Variants in ABCC1 observed in about 807,000 individuals in gnomAD.
ABCC1 encodes the protein multidrug resistance-associated protein 1.
ABCC1 carries 83 observed loss-of-function variants against 172.9 expected under a neutral mutation model. The ratio of observed to expected loss-of-function variants is 0.48; its 90% CI spans 0.40 to 0.58. ABCC1 has a LOEUF of 0.58. Ranked by LOEUF, ABCC1 falls within the 20% of genes least tolerant of loss-of-function variation. The probability of loss-of-function intolerance (pLI) is 0.00; values close to 1 mark genes in which losing one functional copy is unlikely to be tolerated. For synonymous variants in ABCC1, 937 were observed against 825.2 expected, an observed-to-expected ratio of 1.14 and a Z score of -2.32; for missense variants, 1,817 against 2,002.7, an observed-to-expected ratio of 0.91 and a Z score of 1.77.
chr16:16,108,689 G>T (rs546277553), intron 21 of ABCC1, among the ~76,000 whole-genome samples: 54 of 150,796 alleles, frequency 3.6e-4, no homozygotes, highest in African/African-American at 1.3e-3. Flanking sequence ...TCCACCTCCC[G>T]GATTCAAGTG....
chr16:15,978,366 TCAAA>T (rs111918364), intron 1 of ABCC1, among the ~76,000 whole-genome samples: 3,322 of 152,048 alleles, frequency 0.022, 81 homozygotes, highest in African/African-American at 0.053. Context: ...AAACCCCATC[TCAAA>T]CAAACAAACA....
rs372031477 is a variant in ABCC1, at chr16:16,136,651, G to A, written c.4292+7G>A. On this transcript the variant is annotated splice_region_variant and intron_variant, in intron 29 of 30. Transcript: ENST00000399410. ...AAGGCGGGGAGAACCTCAGGTAGGC[G>A]GGGGTGAACAAGGAGACACCGGGTA... The A allele has an allele frequency of 1.2e-4, 191 of 1,613,440 alleles. No individual in the cohort carries two copies. The highest frequency in any genetic ancestry group is 1.2e-4 in the Non-Finnish European group (146 of 1,179,788).
At chr16:16,039,021 G>A (rs534851297) in intron 7 of ABCC1, among the ~76,000 whole-genome samples, 5 of 152,222 alleles carry the variant, frequency 3.3e-5, no homozygotes, top group Non-Finnish European at 5.9e-5. Context: ...TGTGCTTAGC[G>A]ACGTTTAGTC....
intron 24 of ABCC1, among the ~76,000 whole-genome samples, chr16:16,123,380 A>G (rs2045252817): frequency 6.6e-6 from 1 of 152,180 alleles, no homozygotes; most frequent in South Asian, 2.1e-4. Flanking sequence ...CACATCTGTA[A>G]TCCCAGCACT....
chr16:16,028,940 ATCT>A lies in ABCC1; in HGVS notation c.616-4167_616-4165del, dbSNP rs550832916. ...TGGAATGCACCGGCTGCATCTGATG[ATCT>A]TATTAAAGATCTGTGGCTGTCAGGG... On this transcript the variant is annotated intron_variant, in intron 5 of 30. Transcript: ENST00000399410. Among the ~76,000 whole-genome samples, 18 of 152,174 alleles carry A rather than the reference ATCT, an allele frequency of 1.2e-4. No homozygotes were observed. In the South Asian group the frequency reaches 3.5e-3, roughly 30 times the overall value.
At chr16:16,085,077 A>G (rs2050956597) in intron 17 of ABCC1, among the ~76,000 whole-genome samples, 1 of 152,218 alleles carries the variant, frequency 6.6e-6, no homozygotes, top group Non-Finnish European at 1.5e-5. Flanking sequence ...ACCTGAGGCC[A>G]CACAGCCACA....
chr16:16,124,898 G>C lies in ABCC1; in HGVS notation c.3700G>C (p.Val1234Leu), dbSNP rs528400418. 6.2e-7 allele frequency: 1 copy of C among 1,614,122 alleles called. No homozygotes were observed. The highest frequency in any genetic ancestry group is 1.3e-5 in the African/African-American group (1 of 74,938). The stretch of plus-strand genomic sequence containing the variant: ...CAGTGCTGGCTTGGTGGGCCTCTCA[G>C]TGTCTTACTCATTGCAGGTAAGAGG... Reference protein sequence around the residue: ...SLSAGLVGLSVSYSLQVTTYL... With the variant: ...SLSAGLVGLSLSYSLQVTTYL... Residue 1234 changes from valine (V) to leucine (L), a missense_variant, in exon 25 of 31, where the codon GTG becomes CTG. By Grantham distance (32) the Val-to-Leu change is conservative. Around this residue, in one of 3 missense-constraint regions of ABCC1, gnomAD observed 1,412 missense variants for 1,600.3 expected, o/e 0.88. Coordinates refer to ENST00000399410, the MANE Select transcript of ABCC1 (RefSeq NM_004996.4).
intron 1 of ABCC1, among the ~76,000 whole-genome samples, chr16:16,007,153 T>C (rs1311685416): frequency 6.6e-6 from 1 of 152,058 alleles, no homozygotes; most frequent in South Asian, 2.1e-4. Context: ...GGACTGTTAA[T>C]GTGAGATGAG....
chr16:16,118,885 A>T (rs941875522), intron 23 of ABCC1, among the ~76,000 whole-genome samples: 3 of 42,822 alleles, frequency 7.0e-5, no homozygotes, highest in South Asian at 1.8e-3. Context: ...GTGTATATTA[A>T]AAAAAAAAAA....
intron 5 of ABCC1, among the ~76,000 whole-genome samples, chr16:16,031,694 C>A (rs2048563155): frequency 1.3e-5 from 2 of 152,140 alleles, no homozygotes; most frequent in Admixed American, 1.3e-4. Flanking sequence ...TAGTTCTCAT[C>A]TACTCACCCT....
At position 16,072,974 on chromosome 16, in the gene ABCC1, G is replaced by A. The variant is rs528520329; in HGVS notation, c.1912+1245G>A. Among the ~76,000 whole-genome samples the A allele has an allele frequency of 6.6e-5, 10 of 151,288 alleles. No individual in the cohort carries two copies. In the East Asian group the frequency reaches 1.4e-3, roughly 21 times the overall value. Reference sequence around the variant, plus strand: ...GGAGAATCACTTGAACCCAGGAGGCGGAGGTTGCAGTGAGCCAAGATCGCG... The same window carrying A: ...GGAGAATCACTTGAACCCAGGAGGCAGAGGTTGCAGTGAGCCAAGATCGCG... On this transcript the variant is annotated intron_variant, in intron 14 of 30. Coordinates refer to ENST00000399410, the MANE Select transcript of ABCC1 (RefSeq NM_004996.4).
chr16:16,125,351 G>C (rs140055177), intron 25 of ABCC1, among the ~76,000 whole-genome samples: 1 of 152,192 alleles, frequency 6.6e-6, no homozygotes, highest in African/African-American at 2.4e-5. Context: ...GCAGGCCTGG[G>C]TGATGGCTAT....
intron 28 of ABCC1, 151 bp from the exon 29 acceptor site, chr16:16,136,327 T>G: frequency 1.1e-6 from 1 of 892,996 alleles, no homozygotes; most frequent in Non-Finnish European, 1.6e-6. Context: ...CCTGGCCTTT[T>G]TCTCCATTAT....
In ABCC1 at chr16:16,046,465, C is replaced by T. The variant is rs527846310; in HGVS notation, c.1218+452C>T. Among the ~76,000 whole-genome samples, 5 of 152,250 alleles carry T rather than the reference C, an allele frequency of 3.3e-5. No individual in the cohort carries two copies. The East Asian group carries it at 7.7e-4, about 24-fold the overall frequency. On this transcript the variant is annotated intron_variant, in intron 9 of 30. Coordinates refer to ENST00000399410, the MANE Select transcript of ABCC1 (RefSeq NM_004996.4). ...GTTCAAGCGATTCTTCTGCCTCAGC[C>T]TCCTGAGTAGCGGGGACTACAGGCG... is the stretch of plus-strand genomic sequence containing the variant.
chr16:16,126,289 C>G, intron 26 of ABCC1, among the ~76,000 whole-genome samples: 1 of 152,172 alleles, frequency 6.6e-6, no homozygotes, highest in East Asian at 1.9e-4. Context: ...GAGATGATCT[C>G]CCTTCAACAG....
intron 1 of ABCC1, among the ~76,000 whole-genome samples, chr16:15,977,417 T>G (rs1362513198): frequency 6.6e-6 from 1 of 152,176 alleles, no homozygotes; most frequent in African/African-American, 2.4e-5. Flanking sequence ...TTTTTATTTT[T>G]AACAGAGATG....
At chr16:16,096,802 G>A (rs954288122) in intron 19 of ABCC1, among the ~76,000 whole-genome samples, 8 of 152,104 alleles carry the variant, frequency 5.3e-5, no homozygotes, top group Admixed American at 2.6e-4. Context: ...AGCACTTAAC[G>A]TACGTGGGTC....
chr16:16,129,539 GTT>G (rs551659773), intron 26 of ABCC1, among the ~76,000 whole-genome samples: 171 of 137,376 alleles, frequency 1.2e-3, no homozygotes, highest in African/African-American at 4.3e-3. Flanking sequence ...GTTTTTTTTT[GTT>G]TTTTTTTTTT....
intron 1 of ABCC1, among the ~76,000 whole-genome samples, chr16:15,992,082 C>G (rs975553435): frequency 1.3e-5 from 2 of 152,072 alleles, no homozygotes; most frequent in Non-Finnish European, 2.9e-5. Context: ...GCATTAGATT[C>G]TCATAGGAGC....
Sources: gnomAD v4.1 joint callset for allele counts (sites outside exome capture counted in the v4.1 genomes callset) on GRCh38, gnomAD v4.1.1 for gene constraint, gnomAD v4.1.1 regional missense constraint, MANE v1.5 for transcripts, NCBI Gene and HGNC (gene_info 2026-07-23, HGNC 2026-07-21) for gene names.